WASF1: variants seen among roughly 807,000 people sequenced by gnomAD.
WASF1 encodes actin-binding protein WASF1.
Under a neutral mutation model 50.5 loss-of-function variants are expected in WASF1, and 7 were observed. The ratio of observed to expected loss-of-function variants is 0.14; its 90% CI spans 0.08 to 0.26. The LOEUF is 0.26. WASF1 is among the 10% of genes least tolerant of loss of function. The probability of loss-of-function intolerance (pLI) is 1.00; values close to 1 mark genes in which losing one functional copy is unlikely to be tolerated. For missense variants in WASF1, 470 were observed against 694.7 expected, an observed-to-expected ratio of 0.68 and a Z score of 3.64; for synonymous variants, 205 against 244.0, an observed-to-expected ratio of 0.84 and a Z score of 1.49.
In WASF1 at chr6:110,168,826, T is replaced by C. The variant is rs181225334; in HGVS notation, c.-126-8094A>G. 7.2e-5 allele frequency among the ~76,000 whole-genome samples: 11 copies of C among 152,132 alleles called. No individual in the cohort carries two copies. In the East Asian group the frequency reaches 1.7e-3, roughly 24 times the overall value. On this transcript the variant is annotated intron_variant, in intron 2 of 10. Transcript: ENST00000392589. ...TTTCTGACATGAATATTCTACCCTA[T>C]CCATTCATTGCCTCATTATTATAAA...
At chr6:110,169,566 G>A (rs1776609930) in intron 2 of WASF1, among the ~76,000 whole-genome samples, 1 of 152,056 alleles carries the variant, frequency 6.6e-6, no homozygotes, top group South Asian at 2.1e-4. Flanking sequence ...ACACAAATCT[G>A]ATACACTGCA....
intron 2 of WASF1, among the ~76,000 whole-genome samples, chr6:110,172,171 T>C (rs1169315298): frequency 6.6e-6 from 1 of 152,166 alleles, no homozygotes; most frequent in Non-Finnish European, 1.5e-5. Flanking sequence ...GACTCAGCAA[T>C]CCCATTACTG....
chr6:110,127,088 A>G (rs1434261051), intron 4 of WASF1, among the ~76,000 whole-genome samples: 1 of 152,208 alleles, frequency 6.6e-6, no homozygotes, highest in African/African-American at 2.4e-5. Flanking sequence ...AAATATATAT[A>G]TAAAGAGAGG....
At chr6:110,124,225 T>TCTCTCTCTCC in intron 4 of WASF1, among the ~76,000 whole-genome samples, 1 of 49,800 alleles carries the variant, frequency 2.0e-5, no homozygotes, top group African/African-American at 1.4e-4. Context: ...CTCCTCTCTC[T>TCTCTCTCTCC]CCTCTCTCTC....
chr6:110,100,515 A>G lies in WASF1; in HGVS notation c.*7T>C, dbSNP rs1773034612. On this transcript the variant is annotated 3_prime_UTR_variant, in exon 11 of 11. Coordinates refer to ENST00000392589, the MANE Select transcript of WASF1 (RefSeq NM_003931.3). ...TCAGTTTTGTAATATTTATCAATGCATTTTTCTTACTCCAACCAATCTACT... is the reference window on the plus strand; with the variant it reads ...TCAGTTTTGTAATATTTATCAATGCGTTTTTCTTACTCCAACCAATCTACT... 1 of 1,605,586 alleles carries G rather than the reference A, an allele frequency of 6.2e-7. No homozygotes were observed. Among genetic ancestry groups the G allele is most frequent in the South Asian group, 1.1e-5 (1 of 89,966 alleles).
intron 3 of WASF1, among the ~76,000 whole-genome samples, chr6:110,150,199 A>G (rs1775762260): frequency 6.6e-6 from 1 of 152,232 alleles, no homozygotes; most frequent in African/African-American, 2.4e-5. Context: ...AGAAAGTGAA[A>G]GGAATAGAAA....
chr6:110,166,671 G>A (rs1034613611), intron 2 of WASF1, among the ~76,000 whole-genome samples: 1 of 151,876 alleles, frequency 6.6e-6, no homozygotes, highest in African/African-American at 2.4e-5. Flanking sequence ...GTTAAAGGTA[G>A]ACAAAATAGC....
chr6:110,124,041 C>T (rs1166279353), intron 4 of WASF1, among the ~76,000 whole-genome samples: 1 of 151,838 alleles, frequency 6.6e-6, no homozygotes, highest in East Asian at 1.9e-4. Flanking sequence ...GGGCTTACAC[C>T]AGATGCTTTG....
chr6:110,113,586 G>T, intron 4 of WASF1, 126 bp from the exon 5 acceptor site: 1 of 853,146 alleles, frequency 1.2e-6, no homozygotes, highest in Non-Finnish European at 1.7e-6. Context: ...GATAAATAAT[G>T]AACAATGTAA....
chr6:110,124,274 C>CTA (rs35703116), intron 4 of WASF1, among the ~76,000 whole-genome samples: 402 of 20,486 alleles, frequency 0.02, 18 homozygotes, highest in East Asian at 0.035. Context: ...CTCTCTCTCT[C>CTA]TATATATATA....
intron 6 of WASF1, among the ~76,000 whole-genome samples, chr6:110,108,137 CAAAAAAAAAAAAA>C (rs369773397): frequency 6.0e-5 from 3 of 50,206 alleles, no homozygotes; most frequent in African/African-American, 1.8e-4. Flanking sequence ...GACTCCGCCT[CAAAAAAAAAAAAA>C]AAAAAAAAAA....
chr6:110,138,446 C>A (rs1775067455), intron 3 of WASF1, among the ~76,000 whole-genome samples: 1 of 152,256 alleles, frequency 6.6e-6, no homozygotes, highest in South Asian at 2.1e-4. Flanking sequence ...TGTGTTATAG[C>A]TCTTCCAGTC....
rs1776225329 is a variant in WASF1 at position 110,160,637 on chromosome 6, T to C, written c.-31A>G. 1 of 151,746 alleles carries C rather than the reference T, an allele frequency of 6.6e-6. No individual in the cohort carries two copies. The highest frequency in any genetic ancestry group is 1.5e-5 in the Non-Finnish European group (1 of 67,774). The allele number at this position is 151,746 out of a possible 1,614,324, so 9.4% of individuals were successfully genotyped here. A position where few individuals can be genotyped will look rare whatever the true frequency, so the allele number is the denominator to read the frequency against. On this transcript the variant is annotated splice_region_variant and 5_prime_UTR_variant, in exon 3 of 11. Transcript: ENST00000392589. The stretch of plus-strand genomic sequence containing the variant: ...GATACATTACTTCTTAATTTTACCT[T>C]GAAGATTTTAACGATTTTGCAGCCA...
chr6:110,108,788 G>T (rs1042094147), intron 5 of WASF1, 107 bp from the exon 6 acceptor site: 12 of 1,042,290 alleles, frequency 1.2e-5, no homozygotes, highest in African/African-American at 3.2e-5. Flanking sequence ...GGCTCAAGAG[G>T]TTGTGACCTT....
chr6:110,137,443 C>T (rs1276952857), intron 3 of WASF1, among the ~76,000 whole-genome samples: 7 of 152,168 alleles, frequency 4.6e-5, no homozygotes, highest in African/African-American at 1.7e-4. Flanking sequence ...CTTATGAAAA[C>T]AGGTAATTCA....
intron 4 of WASF1, among the ~76,000 whole-genome samples, chr6:110,123,410 C>T (rs1774228159): frequency 6.6e-6 from 1 of 151,858 alleles, no homozygotes; most frequent in Admixed American, 6.6e-5. Flanking sequence ...AAAGAGTAAG[C>T]CAAAATAACT....
At chr6:110,149,201 T>C (rs959448898) in intron 3 of WASF1, among the ~76,000 whole-genome samples, 3 of 152,174 alleles carry the variant, frequency 2.0e-5, no homozygotes, top group African/African-American at 7.2e-5. Flanking sequence ...CTTTCCTTTT[T>C]TTCCCCCTTT....
chr6:110,130,047 T>C (rs981983382), intron 3 of WASF1, among the ~76,000 whole-genome samples: 1 of 152,238 alleles, frequency 6.6e-6, no homozygotes, highest in African/African-American at 2.4e-5. Flanking sequence ...TACTGAGCTT[T>C]AATGACTAAC....
At chr6:110,173,214 A>G (rs55960151) in intron 2 of WASF1, among the ~76,000 whole-genome samples, 9,984 of 152,192 alleles carry the variant, frequency 0.066, 400 homozygotes, top group African/African-American at 0.12. Flanking sequence ...TTCTTTTCAA[A>G]TAAGTTAGTC....
Sources: gnomAD v4.1 joint callset for allele counts (sites outside exome capture counted in the v4.1 genomes callset) on GRCh38, gnomAD v4.1.1 for gene constraint, MANE v1.5 for transcripts, NCBI Gene and HGNC (gene_info 2026-07-23, HGNC 2026-07-21) for gene names.